DYNC2H1: variants seen among roughly 807,000 people sequenced by gnomAD.
The protein encoded by DYNC2H1 is cytoplasmic dynein 2 heavy chain 1.
DYNC2H1 carries 410 observed loss-of-function variants against 570.0 expected under a neutral mutation model. The observed-to-expected ratio is 0.72, with a 90% CI of 0.66 to 0.78. The LOEUF is 0.78. Ranked by LOEUF, DYNC2H1 falls within the 30% of genes least tolerant of loss-of-function variation. The pLI, the probability that DYNC2H1 is intolerant of heterozygous loss-of-function variation, is 0.00. For synonymous variants in DYNC2H1, 1,688 were observed against 1,677.6 expected (o/e 1.01, Z -0.15); for missense variants, 4,865 against 5,046.4 (o/e 0.96, Z 1.09).
intron 77 of DYNC2H1, among the ~76,000 whole-genome samples, chr11:103,306,022 G>A (rs999665556): frequency 2.0e-5 from 3 of 151,940 alleles, no homozygotes; most frequent in Admixed American, 2.0e-4. Flanking sequence ...AATGATTCTC[G>A]TGCCTCAGCC....
Position 103,461,303 on chromosome 11 carries a change from GTTTT to G in DYNC2H1, c.12648+4952_12648+4955del. 6.6e-6 allele frequency among the ~76,000 whole-genome samples: 1 copy of G among 151,820 alleles called. No homozygotes were observed. The highest frequency in any genetic ancestry group is 1.9e-4 in the East Asian group (1 of 5,152). ...TTTTACTATCACTATAATTTTATTAGTTTTTTTTAAAATCTCTATCACCATAGAC... is the reference window on the plus strand; with the variant it reads ...TTTTACTATCACTATAATTTTATTAGTTTTAAAATCTCTATCACCATAGAC... On this transcript the variant is annotated intron_variant, in intron 87 of 88. Coordinates refer to ENST00000375735, the MANE Select transcript of DYNC2H1 (RefSeq NM_001377.3). This position sits in a 1 kb window ranked among gnomAD's most constrained non-coding sequence, Gnocchi z 4.8.
At chr11:103,238,824 C>T (rs1018077430) in intron 63 of DYNC2H1, among the ~76,000 whole-genome samples, 5 of 152,130 alleles carry the variant, frequency 3.3e-5, no homozygotes, top group African/African-American at 9.7e-5. Context: ...AGTTTTACTA[C>T]GTTAGCAGAA....
chr11:103,253,175 ACT>A (rs1426145205), intron 65 of DYNC2H1, 108 bp from the exon 66 acceptor site: 9 of 1,151,764 alleles, frequency 7.8e-6, no homozygotes, highest in Non-Finnish European at 1.1e-5. Context: ...GCCGTCTTAG[ACT>A]CTGTCGAAAA....
intron 60 of DYNC2H1, among the ~76,000 whole-genome samples, chr11:103,232,234 TAATTTA>T (rs970272412): frequency 2.0e-5 from 3 of 152,012 alleles, no homozygotes; most frequent in African/African-American, 7.2e-5. Flanking sequence ...TTATACTGGG[TAATTTA>T]TGTATTTATT....
At chr11:103,125,912 G>C (rs1434051565) in intron 12 of DYNC2H1, among the ~76,000 whole-genome samples, 1 of 152,142 alleles carries the variant, frequency 6.6e-6, no homozygotes, top group Non-Finnish European at 1.5e-5. Context: ...TCTGTTCTCT[G>C]ATTGGAAAAC....
rs1858492063 is a variant in DYNC2H1, at chr11:103,117,798, C to T, written c.934C>T (p.His312Tyr). The stretch of plus-strand genomic sequence containing the variant: ...TCAGGTGTGGCAGCGCTATGTTCCT[C>T]ATCCATGGAAAAATGAAAAATATTT... ...TGQVWQRYVP[H>Y]PWKNEKYFPE... Residue 312 changes from histidine (H) to tyrosine (Y), a missense_variant, in exon 6 of 89, where the codon CAT (histidine) becomes TAT (tyrosine). Physicochemically the swap from His to Tyr is moderately conservative, Grantham distance 83. Around this residue, in one of 5 missense-constraint regions of DYNC2H1, gnomAD observed 1,936 missense variants for 1,962.1 expected, o/e 0.99. Transcript: ENST00000375735. 6.2e-7 allele frequency: 1 copy of T among 1,612,986 alleles called. No homozygotes were observed. Among genetic ancestry groups the T allele is most frequent in the Non-Finnish European group, 8.5e-7 (1 of 1,179,224 alleles).
intron 59 of DYNC2H1, among the ~76,000 whole-genome samples, chr11:103,225,842 A>G (rs1416975809): frequency 1.3e-5 from 2 of 152,184 alleles, no homozygotes; most frequent in East Asian, 1.9e-4. Context: ...TGCTTTTGGC[A>G]GTATGGTCAT....
chr11:103,294,299 C>A (rs936798628), intron 75 of DYNC2H1, among the ~76,000 whole-genome samples: 3 of 152,208 alleles, frequency 2.0e-5, no homozygotes, highest in African/African-American at 7.2e-5. Flanking sequence ...CATTGAAGAG[C>A]TAGATATTTA....
Position 103,479,245 on chromosome 11 carries a change from A to G in DYNC2H1, c.12916A>G (p.Asn4306Asp), listed in dbSNP as rs200264343. The G allele has an allele frequency of 2.8e-5, 45 of 1,610,320 alleles. No homozygotes were observed. The Admixed American group carries it at 7.4e-4, about 26-fold the overall frequency. ...GTGTGGAGCAGCTCTATTCCTAAAA[A>G]ATCAGTAGAATCTAATGACAACAAA... The part of the protein sequence containing the change: ...IQCGAALFLK[N>D]Q Residue 4306 changes from asparagine (N) to aspartate (D), a missense_variant, in exon 89 of 89, where the codon AAT becomes GAT. Coordinates refer to ENST00000375735, the MANE Select transcript of DYNC2H1 (RefSeq NM_001377.3).
intron 52 of DYNC2H1, among the ~76,000 whole-genome samples, chr11:103,206,093 T>A (rs1219228705): frequency 6.6e-6 from 1 of 152,004 alleles, no homozygotes; most frequent in African/African-American, 2.4e-5. Flanking sequence ...AAAGGATAGG[T>A]TGGGCTAAGG....
At chr11:103,235,551 A>G (rs1456115098) in intron 61 of DYNC2H1, 121 bp from the exon 62 acceptor site, 2 of 903,930 alleles carry the variant, frequency 2.2e-6, no homozygotes, top group African/African-American at 1.7e-5. Context: ...TGACTGTTAC[A>G]TTCAAAACAA....
chr11:103,436,829 C>T (rs1362363230), intron 85 of DYNC2H1, among the ~76,000 whole-genome samples: 4 of 152,104 alleles, frequency 2.6e-5, no homozygotes, highest in African/African-American at 9.7e-5. Flanking sequence ...ACTTTCTTTC[C>T]TGATTCTGGC....
chr11:103,368,442 GTTTT>G (rs112701562), intron 83 of DYNC2H1, among the ~76,000 whole-genome samples: 3 of 148,956 alleles, frequency 2.0e-5, no homozygotes, highest in East Asian at 2.0e-4. Context: ...TCACATTTGG[GTTTT>G]TTTTTTAACC....
At chr11:103,460,437 G>GA (rs759597447) in intron 87 of DYNC2H1, among the ~76,000 whole-genome samples, 36 of 136,450 alleles carry the variant, frequency 2.6e-4, no homozygotes, top group Non-Finnish European at 4.8e-4. Flanking sequence ...TGCACAACCA[G>GA]AAAATCCCAA....
chr11:103,336,401 C>T (rs1939129167), intron 82 of DYNC2H1, among the ~76,000 whole-genome samples: 3 of 152,098 alleles, frequency 2.0e-5, no homozygotes, highest in Non-Finnish European at 4.4e-5. Flanking sequence ...TACTATCTAA[C>T]TGTATTTTTG....
chr11:103,231,925 A>G (rs1249927293), intron 60 of DYNC2H1, among the ~76,000 whole-genome samples: 2 of 151,894 alleles, frequency 1.3e-5, no homozygotes, highest in Admixed American at 6.6e-5. Flanking sequence ...TCACCAATAT[A>G]TACTTATAGA....
rs1364364631 is a variant in DYNC2H1 at position 103,252,773 on chromosome 11, TAAATAACTCC to T, written c.10043-509_10043-500del. Among the ~76,000 whole-genome samples, 2 of 152,208 alleles carry T rather than the reference TAAATAACTCC, an allele frequency of 1.3e-5. No individual in the cohort carries two copies. The highest frequency in any genetic ancestry group is 2.9e-5 in the Non-Finnish European group (2 of 68,032). ...AACCCCTTATCTGATATATGGTTTATAAATAACTCCAAGTTTTTAGGTTATTCTTTCATTT... is the reference window on the plus strand; with the variant it reads ...AACCCCTTATCTGATATATGGTTTATAAGTTTTTAGGTTATTCTTTCATTT... On this transcript the variant is annotated intron_variant, in intron 65 of 88. Transcript: ENST00000375735. This position sits in a 1 kb window ranked among gnomAD's most constrained non-coding sequence, Gnocchi z 4.6.
Position 103,245,205 on chromosome 11 carries a change from T to C in DYNC2H1, c.9919-46T>C. 7.2e-7 allele frequency: 1 copy of C among 1,385,730 alleles called. No individual in the cohort carries two copies. Among genetic ancestry groups the C allele is most frequent in the Non-Finnish European group, 9.8e-7 (1 of 1,025,200 alleles). The allele number at this position is 1,385,730 out of a possible 1,614,324, so 85.8% of individuals were successfully genotyped here. A position where few individuals can be genotyped will look rare whatever the true frequency, so the allele number is the denominator to read the frequency against. On this transcript the variant is annotated intron_variant, in intron 64 of 88. Transcript: ENST00000375735. This position sits in a 1 kb window ranked among gnomAD's most constrained non-coding sequence, Gnocchi z 4.5. ...ATCAAAGAAAGGATGTTTGTAAATA[T>C]TAAAGTAATTAAATAATTAATACGT... is the stretch of plus-strand genomic sequence containing the variant.
At chr11:103,370,906 A>G (rs1941118500) in intron 83 of DYNC2H1, among the ~76,000 whole-genome samples, 1 of 152,154 alleles carries the variant, frequency 6.6e-6, no homozygotes, top group Non-Finnish European at 1.5e-5. Context: ...CAATGCCGAG[A>G]CACCAAAGAA....
Sources: gnomAD v4.1 joint callset for allele counts (sites outside exome capture counted in the v4.1 genomes callset) on GRCh38, gnomAD v4.1.1 for gene constraint, gnomAD v4.1.1 regional missense constraint, Gnocchi (gnomAD v3.1) non-coding constraint, MANE v1.5 for transcripts, NCBI Gene and HGNC (gene_info 2026-07-23, HGNC 2026-07-21) for gene names.